The following PRKAG1 variants were observed in gnomAD, a reference collection of about 807,000 sequenced individuals.
PRKAG1 encodes 5'-AMP-activated protein kinase subunit gamma-1.
Under a neutral mutation model 48.2 loss-of-function variants are expected in PRKAG1, and 27 were observed. The observed-to-expected ratio is 0.56, with a 90% confidence interval of 0.41 to 0.77. The LOEUF is 0.77. PRKAG1 is among the 30% of genes least tolerant of loss of function. PRKAG1 has a pLI of 0.00. For synonymous variants in PRKAG1, 130 were observed against 147.7 expected, an observed-to-expected ratio of 0.88 and a Z score of 0.87; for missense variants, 287 against 398.3, an observed-to-expected ratio of 0.72 and a Z score of 2.38.
chr12:49,003,326 A>T (rs1941372383), intron 10 of PRKAG1, 36 bp from the exon 11 acceptor site: 1 of 1,612,976 alleles, frequency 6.2e-7, no homozygotes, highest in African/African-American at 1.3e-5. Context: ...CAGGGAAGCA[A>T]GAGAGCCAGC....
At position 49,005,958 on chromosome 12, in the gene PRKAG1, AT is replaced by A; in HGVS notation, c.59-107del. 1.2e-6 allele frequency: 1 copy of A among 811,608 alleles called. No homozygotes were observed. Among genetic ancestry groups the A allele is most frequent in the Non-Finnish European group, 1.9e-6 (1 of 515,106 alleles). 50.3% of individuals were successfully genotyped at this position (811,608 alleles called of 1,614,324 possible). A position where few individuals can be genotyped will look rare whatever the true frequency, so the allele number is the denominator to read the frequency against. ...TAGTATCTCAAATATTTAGAGCATT[AT>A]TTTTTAATAAGACCCCTTATTTTAT... On this transcript the variant is annotated intron_variant, in intron 2 of 11. Transcript: ENST00000548065. This position sits in a 1 kb window ranked among gnomAD's most constrained non-coding sequence, Gnocchi z 4.1.
chr12:49,005,763 C>T lies in PRKAG1; in HGVS notation c.148G>A (p.Val50Ile). Residue 50 changes from valine to isoleucine, a missense_variant, in exon 3 of 12, where the codon GTA becomes ATA. Val to Ile is a conservative substitution (Grantham distance 29). Transcript: ENST00000548065. This position sits in a 1 kb window ranked among gnomAD's most constrained non-coding sequence, Gnocchi z 4.1. The stretch of plus-strand genomic sequence containing the variant: ...CCCACCTGCAGGGACGTATCAAATA[C>T]AACCAATTTGGAGCTTGTGGGAATC... ...DLIPTSSKLV[V>I]FDTSLQVKKA... is the part of the protein sequence containing the mutation. 1 of 1,614,006 alleles carries T rather than the reference C, an allele frequency of 6.2e-7. No homozygotes were observed.
chr12:49,018,766 C>T lies in PRKAG1; in HGVS notation c.-26G>A, dbSNP rs1329147968. On this transcript the variant is annotated 5_prime_UTR_variant, in exon 1 of 12. Transcript: ENST00000548065. ...TGCAAGAGGCGCCCGGCTTGGTTTC[C>T]TCGCTTTAGGAAACTCTCTTGGGGC... The T allele has an allele frequency of 6.2e-7, 1 of 1,612,396 alleles. No individual in the cohort carries two copies. The highest frequency in any genetic ancestry group is 1.1e-5 in the South Asian group (1 of 91,012).
At chr12:49,018,680 G>C (rs368767405) in intron 1 of PRKAG1, 52 bp downstream of exon 1, 16 of 1,613,418 alleles carry the variant, frequency 9.9e-6, no homozygotes, top group Admixed American at 1.7e-5. Context: ...TAAGGGTTGG[G>C]GGGGTGTCTT....
chr12:49,006,340 C>G (rs1024789026), intron 2 of PRKAG1, among the ~76,000 whole-genome samples: 3 of 152,014 alleles, frequency 2.0e-5, no homozygotes, highest in African/African-American at 7.2e-5. Flanking sequence ...GAGCTCGAGG[C>G]CAGCCTGGGC....
intron 1 of PRKAG1, among the ~76,000 whole-genome samples, chr12:49,013,526 G>A (rs556936365): frequency 6.6e-6 from 1 of 152,208 alleles, no homozygotes; most frequent in South Asian, 2.1e-4. Context: ...TTACAGGCAC[G>A]AGTTACTGCA....
Position 49,005,373 on chromosome 12 carries a change from C to T in PRKAG1, c.251-9G>A. On this transcript the variant is annotated splice_polypyrimidine_tract_variant and intron_variant, in intron 4 of 11. Coordinates refer to ENST00000548065, the MANE Select transcript of PRKAG1 (RefSeq NM_002733.5). This position sits in a 1 kb window ranked among gnomAD's most constrained non-coding sequence, Gnocchi z 4.1. ...AGTGATGGTCAGCATGCCTAGAGGA[C>T]AAGACAGAGCCCTCAGCACTGCCTG... 6.2e-7 allele frequency: 1 copy of T among 1,614,074 alleles called. No homozygotes were observed. Among genetic ancestry groups the T allele is most frequent in the Non-Finnish European group, 8.5e-7 (1 of 1,180,038 alleles).
chr12:49,008,575 G>A (rs1167028241), intron 2 of PRKAG1: 1 of 152,112 alleles, frequency 6.6e-6, no homozygotes, highest in East Asian at 1.9e-4. Context: ...CCTTATTTTG[G>A]TGGAACACAT....
chr12:49,003,820 A>G lies in PRKAG1; in HGVS notation c.640T>C (p.Tyr214His). ...TGTACAAAAATCCCCAGAGCCACAT[A>G]GACGGGGGTGGTAGTGCGAACCATA... is the stretch of plus-strand genomic sequence containing the variant. ...IAMVRTTTPV[Y>H]VALGIFVQHR... Residue 214 changes from tyrosine (Y) to histidine (H), a missense_variant, in exon 9 of 12, where the codon TAT becomes CAT. Transcript: ENST00000548065. 1 of 1,614,126 alleles carries G rather than the reference A, an allele frequency of 6.2e-7. No individual in the cohort carries two copies. The highest frequency in any genetic ancestry group is 1.1e-5 in the South Asian group (1 of 91,080).
intron 1 of PRKAG1, among the ~76,000 whole-genome samples, chr12:49,014,954 C>T (rs1941907691): frequency 6.6e-6 from 1 of 152,248 alleles, no homozygotes; most frequent in Admixed American, 6.5e-5. Context: ...ATCCCCATAG[C>T]TTCTGTAGTA....
Position 49,005,648 on chromosome 12 carries a change from C to A in PRKAG1, c.168+95G>T. 6.2e-7 allele frequency: 1 copy of A among 1,610,764 alleles called. No homozygotes were observed. Among genetic ancestry groups the A allele is most frequent in the Non-Finnish European group, 8.5e-7 (1 of 1,177,686 alleles). ...TGGGTAAAACATGAGACTAACTTCA[C>A]AGAAGGATAAGGATATTACCCTTAG... On this transcript the variant is annotated intron_variant, in intron 3 of 11. Coordinates refer to ENST00000548065, the MANE Select transcript of PRKAG1 (RefSeq NM_002733.5). This position sits in a 1 kb window ranked among gnomAD's most constrained non-coding sequence, Gnocchi z 4.1.
At chr12:49,015,621 G>A (rs941476857) in intron 1 of PRKAG1, among the ~76,000 whole-genome samples, 1 of 152,162 alleles carries the variant, frequency 6.6e-6, no homozygotes, top group African/African-American at 2.4e-5. Context: ...CTCCCAGGCT[G>A]GAGTGCAGTG....
Position 49,004,546 on chromosome 12 carries a change from G to A in PRKAG1, c.498C>T (p.Ile166=), listed in dbSNP as rs374288682. 1.3e-5 allele frequency: 21 copies of A among 1,614,020 alleles called. No individual in the cohort carries two copies. The African/African-American group carries it at 2.4e-4, about 18-fold the overall frequency. Residue 166 remains isoleucine, a synonymous_variant, in exon 8 of 12, where the codon ATC becomes ATT. Coordinates refer to ENST00000548065, the MANE Select transcript of PRKAG1 (RefSeq NM_002733.5). The stretch of plus-strand genomic sequence containing the variant: ...ACTTCAGAATGCGCTTGTGGGTGAG[G>A]ATGTACAAAGTATTGCCTGATTCTG... ...IDPESGNTLY[I]LTHKRILKFL...
At chr12:49,013,825 C>T (rs1333196917) in intron 1 of PRKAG1, among the ~76,000 whole-genome samples, 3 of 152,116 alleles carry the variant, frequency 2.0e-5, no homozygotes, top group Non-Finnish European at 4.4e-5. Flanking sequence ...AAAATAATTT[C>T]TTATAACTGA....
rs866594028 is a variant in PRKAG1 at position 49,004,499 on chromosome 12, G to A, written c.537+8C>T. 7 of 1,613,570 alleles carry A rather than the reference G, an allele frequency of 4.3e-6. No homozygotes were observed. The highest frequency in any genetic ancestry group is 3.3e-4 in the Middle Eastern group (2 of 6,062). ...AGAGAAAAAAGAACTGGGCTGAGGAGCACTTACAAACAATTTGAGGAACTT... is the reference window on the plus strand; with the variant it reads ...AGAGAAAAAAGAACTGGGCTGAGGAACACTTACAAACAATTTGAGGAACTT... On this transcript the variant is annotated splice_region_variant and intron_variant, in intron 8 of 11. Coordinates refer to ENST00000548065, the MANE Select transcript of PRKAG1 (RefSeq NM_002733.5).
Position 49,002,888 on chromosome 12 carries a change from C to G in PRKAG1, c.*11G>C, listed in dbSNP as rs1374721924. On this transcript the variant is annotated 3_prime_UTR_variant, in exon 12 of 12. Transcript: ENST00000548065. ...CATATCCCCTGGTGCTGCATGACCC[C>G]TTCCCCCAGCTCAGGGCTTCTTCTC... is the stretch of plus-strand genomic sequence containing the variant. The G allele has an allele frequency of 4.3e-6, 7 of 1,611,176 alleles. No homozygotes were observed. The South Asian group carries it at 5.5e-5, about 13-fold the overall frequency.
intron 2 of PRKAG1, among the ~76,000 whole-genome samples, chr12:49,007,367 T>C (rs1247065211): frequency 1.3e-5 from 2 of 151,308 alleles, no homozygotes; most frequent in African/African-American, 2.4e-5. Context: ...GATGAGAAAA[T>C]AGGTGTAGTT....
At chr12:49,018,642 C>T in intron 1 of PRKAG1, 90 bp downstream of exon 1, 1 of 1,604,080 alleles carries the variant, frequency 6.2e-7, no homozygotes, top group Admixed American at 1.7e-5. Flanking sequence ...ACACCAGCGC[C>T]AGCCCCTGCC....
intron 2 of PRKAG1, among the ~76,000 whole-genome samples, chr12:49,007,935 C>G (rs1295250438): frequency 6.7e-6 from 1 of 149,518 alleles, no homozygotes; most frequent in Non-Finnish European, 1.5e-5. Flanking sequence ...TCTCAGGTTA[C>G]TACAACCTCA....
Sources: allele counts gnomAD v4.1 joint callset (sites outside exome capture counted in the v4.1 genomes callset), GRCh38; gene constraint gnomAD v4.1.1; non-coding constraint Gnocchi (gnomAD v3.1); transcripts MANE v1.5; gene names NCBI Gene and HGNC (gene_info 2026-07-23, HGNC 2026-07-21).